DERA: variants seen among roughly 807,000 people sequenced by gnomAD.
DERA encodes deoxyribose-phosphate aldolase.
DERA carries 15 observed loss-of-function variants against 41.1 expected under a neutral mutation model. The observed-to-expected ratio is 0.37, with a 90% confidence interval of 0.24 to 0.56. The LOEUF (loss-of-function observed/expected upper bound fraction) is 0.56, where lower values mean the gene tolerates loss of function less well. Among genes scored for constraint, DERA ranks in the 20% least tolerant of loss-of-function variants. The pLI is 0.81. For missense variants in DERA, 396 were observed against 403.4 expected, an observed-to-expected ratio of 0.98 and a Z score of 0.16; for synonymous variants, 139 against 137.4, an observed-to-expected ratio of 1.01 and a Z score of -0.08.
At position 15,995,588 on chromosome 12, in the gene DERA, T is replaced by C. The variant is rs1948831544; in HGVS notation, c.637+13152T>C. ...TAGGGAGTGACAAGAAAAGCAGATC[T>C]TTCTGTTTTCCACCTGATGGAGGAG... On this transcript the variant is annotated intron_variant, in intron 6 of 8. Transcript: ENST00000428559. The surrounding 1 kb of genome is among the most constrained non-coding windows in gnomAD (Gnocchi z 5.1). 6.6e-6 allele frequency among the ~76,000 whole-genome samples: 1 copy of C among 152,186 alleles called. No individual in the cohort carries two copies. The highest frequency in any genetic ancestry group is 1.5e-5 in the Non-Finnish European group (1 of 68,032).
rs986282213 is a variant in DERA at position 16,009,126 on chromosome 12, G to A, written c.638-23416G>A. Reference sequence around the variant, plus strand: ...CAAATTAGGGAAGTTTTAAGGTGAAGCCAAGCACTTAGTAATTTTCAGAAA... The same window carrying A: ...CAAATTAGGGAAGTTTTAAGGTGAAACCAAGCACTTAGTAATTTTCAGAAA... On this transcript the variant is annotated intron_variant, in intron 6 of 8. Coordinates refer to ENST00000428559, the MANE Select transcript of DERA (RefSeq NM_015954.4). The surrounding 1 kb of genome is among the most constrained non-coding windows in gnomAD (Gnocchi z 5.3). 2.6e-5 allele frequency among the ~76,000 whole-genome samples: 4 copies of A among 152,158 alleles called. No individual in the cohort carries two copies. Among genetic ancestry groups the A allele is most frequent in the African/African-American group, 9.7e-5 (4 of 41,428 alleles).
At position 15,995,027 on chromosome 12, in the gene DERA, A is replaced by C. The variant is rs1199021589; in HGVS notation, c.637+12591A>C. ...AGGCCACACACTGAGTAAGTGGCAG[A>C]ATTTTCTGAAGGACTTTTGACTCTA... On this transcript the variant is annotated intron_variant, in intron 6 of 8. Coordinates refer to ENST00000428559, the MANE Select transcript of DERA (RefSeq NM_015954.4). The surrounding 1 kb of genome is among the most constrained non-coding windows in gnomAD (Gnocchi z 5.1). 6.6e-6 allele frequency among the ~76,000 whole-genome samples: 1 copy of C among 152,188 alleles called. No homozygotes were observed. Among genetic ancestry groups the C allele is most frequent in the Non-Finnish European group, 1.5e-5 (1 of 68,026 alleles).
intron 1 of DERA, among the ~76,000 whole-genome samples, chr12:15,917,220 A>G (rs926764749): frequency 6.6e-6 from 1 of 152,166 alleles, no homozygotes; most frequent in South Asian, 2.1e-4. Context: ...AAAACAAAAA[A>G]CTAAAACATA....
rs1007904749 is a variant in DERA at position 15,966,589 on chromosome 12, C to T, written c.508+3642C>T. ...GCATACTCCCCAGTTGTTTATTCAG[C>T]ATTACCATGCAACATATGACACAGC... On this transcript the variant is annotated intron_variant, in intron 5 of 8. Transcript: ENST00000428559. This position sits in a 1 kb window ranked among gnomAD's most constrained non-coding sequence, Gnocchi z 5.1. Among the ~76,000 whole-genome samples, 8 of 152,144 alleles carry T rather than the reference C, an allele frequency of 5.3e-5. No individual in the cohort carries two copies. Among genetic ancestry groups the T allele is most frequent in the African/African-American group, 1.7e-4 (7 of 41,418 alleles).
rs1040816700 is a variant in DERA, at chr12:15,938,199, T to G, written c.32-18737T>G. ...GGAGCTGGAGAAAGTTGCTCAGAAA[T>G]GACATTGACTTGGATATTTGTTAGG... On this transcript the variant is annotated intron_variant, in intron 1 of 8. Coordinates refer to ENST00000428559, the MANE Select transcript of DERA (RefSeq NM_015954.4). This position sits in a 1 kb window ranked among gnomAD's most constrained non-coding sequence, Gnocchi z 4.1. Among the ~76,000 whole-genome samples the G allele has an allele frequency of 6.6e-6, 1 of 152,134 alleles. No individual in the cohort carries two copies. The highest frequency in any genetic ancestry group is 2.4e-5 in the African/African-American group (1 of 41,436).
rs1565588627 is a variant in DERA, at chr12:15,936,891, C to CTTGTCTTGTCTTGTCTTGTCT, written c.32-20044_32-20043insTGTCTTGTCTTGTCTTGTCTT. Among the ~76,000 whole-genome samples the CTTGTCTTGTCTTGTCTTGTCT allele has an allele frequency of 1.0e-5, 1 of 97,104 alleles. No homozygotes were observed. Among genetic ancestry groups the CTTGTCTTGTCTTGTCTTGTCT allele is most frequent in the African/African-American group, 3.5e-5 (1 of 28,638 alleles). The allele number at this position is 97,104 out of a possible 152,430, so 63.7% of individuals were successfully genotyped here. A position where few individuals can be genotyped will look rare whatever the true frequency, so the allele number is the denominator to read the frequency against. On this transcript the variant is annotated intron_variant, in intron 1 of 8. Transcript: ENST00000428559. This position sits in a 1 kb window ranked among gnomAD's most constrained non-coding sequence, Gnocchi z 4.6. ...TTGTCTTGTCTTGTCTTGTCTTGTC[C>CTTGTCTTGTCTTGTCTTGTCT]TGTCCTGTCCTGTCCTGTCCTGTCC...
chr12:15,960,273 T>C (rs117614381), intron 4 of DERA, among the ~76,000 whole-genome samples: 4,352 of 150,120 alleles, frequency 0.029, 101 homozygotes, highest in Non-Finnish European at 0.042. Flanking sequence ...TAACTATATA[T>C]ATAACTATAT....
intron 6 of DERA, among the ~76,000 whole-genome samples, chr12:15,987,100 C>A (rs1948769651): frequency 6.6e-6 from 1 of 151,848 alleles, no homozygotes; most frequent in African/African-American, 2.4e-5. Flanking sequence ...TTTTGTTTTC[C>A]CAGTAATTTG....
intron 6 of DERA, among the ~76,000 whole-genome samples, chr12:16,025,572 G>GA (rs1949047977): frequency 6.6e-6 from 1 of 151,906 alleles, no homozygotes; most frequent in South Asian, 2.1e-4. Flanking sequence ...TTATAGAACT[G>GA]AAAAAAAGAA....
At position 15,959,976 on chromosome 12, in the gene DERA, T is replaced by C; in HGVS notation, c.373+52T>C. 7.6e-7 allele frequency: 1 copy of C among 1,324,474 alleles called. No individual in the cohort carries two copies. The highest frequency in any genetic ancestry group is 1.1e-6 in the Non-Finnish European group (1 of 945,906). The allele number at this position is 1,324,474 out of a possible 1,614,324, so 82.0% of individuals were successfully genotyped here. ...TATTTTTTAAACATGTTTCCAGTTC[T>C]TCATACAATGGGGTATTATATGTAG... On this transcript the variant is annotated intron_variant, in intron 4 of 8. Transcript: ENST00000428559. The surrounding 1 kb of genome is among the most constrained non-coding windows in gnomAD (Gnocchi z 4.5).
intron 1 of DERA, among the ~76,000 whole-genome samples, chr12:15,912,258 G>C (rs1948169976): frequency 6.6e-6 from 1 of 152,016 alleles, no homozygotes; most frequent in South Asian, 2.1e-4. Flanking sequence ...GTTTAACAAA[G>C]CACATCTTGC....
At chr12:15,933,915 A>G (rs1948346961) in intron 1 of DERA, among the ~76,000 whole-genome samples, 2 of 152,140 alleles carry the variant, frequency 1.3e-5, no homozygotes, top group African/African-American at 4.8e-5. Flanking sequence ...GCTCAGATCA[A>G]TTAAATGATG....
At chr12:15,932,955 G>A (rs918857690) in intron 1 of DERA, among the ~76,000 whole-genome samples, 1 of 152,142 alleles carries the variant, frequency 6.6e-6, no homozygotes, top group African/African-American at 2.4e-5. Flanking sequence ...TTCACTTAAT[G>A]TAATACCCTC....
chr12:15,968,842 G>A (rs1948641328), intron 5 of DERA, among the ~76,000 whole-genome samples: 1 of 152,150 alleles, frequency 6.6e-6, no homozygotes, highest in African/African-American at 2.4e-5. Flanking sequence ...TGTTGTCAAG[G>A]GAAGTGACAC....
At position 15,924,005 on chromosome 12, in the gene DERA, C is replaced by T. The variant is rs186233850; in HGVS notation, c.31+12591C>T. ...TTAAACAAATTACTGTATTCTCAGTCTTTAGTTGAAGAAAATAATTGAGTT... is the reference window on the plus strand; with the variant it reads ...TTAAACAAATTACTGTATTCTCAGTTTTTAGTTGAAGAAAATAATTGAGTT... On this transcript the variant is annotated intron_variant, in intron 1 of 8. Coordinates refer to ENST00000428559, the MANE Select transcript of DERA (RefSeq NM_015954.4). This position sits in a 1 kb window ranked among gnomAD's most constrained non-coding sequence, Gnocchi z 5.0. Among the ~76,000 whole-genome samples, 500 of 152,266 alleles carry T rather than the reference C, an allele frequency of 3.3e-3. 1 individual carries two copies. The highest frequency in any genetic ancestry group is 6.8e-3 in the Middle Eastern group (2 of 294).
chr12:15,994,905 T>G lies in DERA; in HGVS notation c.637+12469T>G, dbSNP rs1948827390. Among the ~76,000 whole-genome samples the G allele has an allele frequency of 6.6e-6, 1 of 152,234 alleles. No individual in the cohort carries two copies. The highest frequency in any genetic ancestry group is 1.5e-5 in the Non-Finnish European group (1 of 68,042). On this transcript the variant is annotated intron_variant, in intron 6 of 8. Coordinates refer to ENST00000428559, the MANE Select transcript of DERA (RefSeq NM_015954.4). The surrounding 1 kb of genome is among the most constrained non-coding windows in gnomAD (Gnocchi z 4.8). Reference sequence around the variant, plus strand: ...AAGTTGGTAGTTTATAAATTCTTTCTGCAGTAATCCCAAGAGGGAGGGAGG... The same window carrying G: ...AAGTTGGTAGTTTATAAATTCTTTCGGCAGTAATCCCAAGAGGGAGGGAGG...
chr12:15,944,489 G>C (rs1170296055), intron 1 of DERA, among the ~76,000 whole-genome samples: 4 of 152,158 alleles, frequency 2.6e-5, no homozygotes, highest in African/African-American at 9.7e-5. Flanking sequence ...GTGATGATGA[G>C]CATTTTTTCA....
Position 15,962,019 on chromosome 12 carries a change from C to T in DERA, c.374-794C>T, listed in dbSNP as rs1357413534. Among the ~76,000 whole-genome samples the T allele has an allele frequency of 2.6e-5, 4 of 152,226 alleles. No individual in the cohort carries two copies. In the East Asian group the frequency reaches 7.7e-4, roughly 29 times the overall value. On this transcript the variant is annotated intron_variant, in intron 4 of 8. Transcript: ENST00000428559. ...TTGACCTCCCAAAATGTTGGGATTA[C>T]AGGCAAGAGCCACTGTGCCCAGCCC...
At position 15,994,865 on chromosome 12, in the gene DERA, G is replaced by A. The variant is rs1565608521; in HGVS notation, c.637+12429G>A. 6.6e-6 allele frequency among the ~76,000 whole-genome samples: 1 copy of A among 152,236 alleles called. No homozygotes were observed. On this transcript the variant is annotated intron_variant, in intron 6 of 8. Coordinates refer to ENST00000428559, the MANE Select transcript of DERA (RefSeq NM_015954.4). This position sits in a 1 kb window ranked among gnomAD's most constrained non-coding sequence, Gnocchi z 4.8. ...TATTGAATGAATAAATGAAAAAAGA[G>A]TAATAAATCATGTGAAGTTGGTAGT...
Sources: gnomAD v4.1 joint callset for allele counts (sites outside exome capture counted in the v4.1 genomes callset) on GRCh38, gnomAD v4.1.1 for gene constraint, Gnocchi (gnomAD v3.1) non-coding constraint, MANE v1.5 for transcripts, NCBI Gene and HGNC (gene_info 2026-07-23, HGNC 2026-07-21) for gene names.